Variants in DNAH7 observed in about 807,000 individuals in gnomAD.
DNAH7 encodes dynein axonemal heavy chain 7.
A neutral mutation model predicts 444.6 loss-of-function variants in DNAH7; 397 were observed. The ratio of observed to expected loss-of-function variants is 0.89; its 90% confidence interval spans 0.82 to 0.97. DNAH7 has a LOEUF of 0.97. DNAH7 is among the 50% of genes least tolerant of loss of function. DNAH7 has a pLI of 0.00. For synonymous variants in DNAH7, 1,636 were observed against 1,624.4 expected (o/e 1.01, Z -0.17); for missense variants, 4,902 against 4,800.8 (o/e 1.02, Z -0.62).
At chr2:196,029,385 TG>T (rs1480537404) in intron 5 of DNAH7, among the ~76,000 whole-genome samples, 1 of 151,708 alleles carries the variant, frequency 6.6e-6, no homozygotes, top group Admixed American at 6.6e-5. Flanking sequence ...AGGGCAAGGG[TG>T]GGTGAGGAGG....
At chr2:195,740,650 TACACACACAC>T (rs566613840) in intron 64 of DNAH7, 106 bp downstream of exon 64, 15 of 72,462 alleles carry the variant, frequency 2.1e-4, no homozygotes, top group Non-Finnish European at 2.8e-5. Context: ...TATATACATA[TACACACACAC>T]ATATGTATAC....
intron 9 of DNAH7, among the ~76,000 whole-genome samples, chr2:196,014,919 T>C (rs1264123889): frequency 6.6e-6 from 1 of 152,184 alleles, no homozygotes; most frequent in African/African-American, 2.4e-5. Context: ...CACTCATATT[T>C]TATAACTACA....
At chr2:195,823,656 A>C (rs942718160) in intron 49 of DNAH7, among the ~76,000 whole-genome samples, 1 of 152,106 alleles carries the variant, frequency 6.6e-6, no homozygotes. Context: ...CTCACTCCAC[A>C]AACATTTAAT....
At position 195,865,244 on chromosome 2, in the gene DNAH7, T is replaced by C. The variant is rs1033546567; in HGVS notation, c.6634-223A>G. 3.9e-5 allele frequency among the ~76,000 whole-genome samples: 6 copies of C among 152,138 alleles called. No individual in the cohort carries two copies. The South Asian group carries it at 1.0e-3, about 26-fold the overall frequency. ...AAGGTTATAGTCAGTTATCAATCAA[T>C]GAAAGGTAATTTTGGGGGTGGGAGC... is the stretch of plus-strand genomic sequence containing the variant. On this transcript the variant is annotated intron_variant, in intron 40 of 64. Coordinates refer to ENST00000312428, the MANE Select transcript of DNAH7 (RefSeq NM_018897.3).
chr2:195,746,116 A>C (rs928573692), intron 63 of DNAH7, among the ~76,000 whole-genome samples: 10 of 152,236 alleles, frequency 6.6e-5, no homozygotes, highest in Non-Finnish European at 1.5e-4. Context: ...TCTCACGTGC[A>C]GAGACACATA....
At chr2:195,800,753 G>T (rs1696407354) in intron 54 of DNAH7, among the ~76,000 whole-genome samples, 1 of 151,998 alleles carries the variant, frequency 6.6e-6, no homozygotes, top group Non-Finnish European at 1.5e-5. Context: ...TCAGCCTAAA[G>T]CTATTCTATT....
intron 21 of DNAH7, among the ~76,000 whole-genome samples, chr2:195,931,249 T>A (rs2125392166): frequency 6.6e-6 from 1 of 152,280 alleles, no homozygotes; most frequent in Middle Eastern, 3.4e-3. Flanking sequence ...CTGTTCATAT[T>A]CTTCCCCACT....
In DNAH7 at chr2:196,024,736, C is replaced by A. The variant is rs1486160887; in HGVS notation, c.668-232G>T. ...TGTTCCCTTTCTTAACACAATGTGTCCCTCCTCTTTCATTTGAAAGGAATA... is the reference window on the plus strand; with the variant it reads ...TGTTCCCTTTCTTAACACAATGTGTACCTCCTCTTTCATTTGAAAGGAATA... On this transcript the variant is annotated intron_variant, in intron 7 of 64. Transcript: ENST00000312428. Among the ~76,000 whole-genome samples the A allele has an allele frequency of 3.3e-5, 5 of 151,860 alleles. No individual in the cohort carries two copies. In the East Asian group the frequency reaches 9.7e-4, roughly 29 times the overall value.
chr2:195,768,319 T>A (rs1694682470), intron 61 of DNAH7, among the ~76,000 whole-genome samples: 4 of 150,970 alleles, frequency 2.6e-5, no homozygotes, highest in South Asian at 4.2e-4. Flanking sequence ...TTTTAAGAAA[T>A]CACAAATTGA....
intron 63 of DNAH7, among the ~76,000 whole-genome samples, chr2:195,748,759 G>T (rs1036137918): frequency 6.6e-6 from 1 of 152,166 alleles, no homozygotes; most frequent in Non-Finnish European, 1.5e-5. Context: ...TTAATAAATG[G>T]TGCTGGGAAA....
At chr2:195,762,871 C>A (rs1372661145) in intron 61 of DNAH7, among the ~76,000 whole-genome samples, 1 of 152,020 alleles carries the variant, frequency 6.6e-6, no homozygotes, top group African/African-American at 2.4e-5. Flanking sequence ...CACCGCAGAC[C>A]AAATGGTCCT....
intron 19 of DNAH7, among the ~76,000 whole-genome samples, chr2:195,941,051 T>C (rs1271481982): frequency 2.0e-5 from 3 of 152,152 alleles, no homozygotes; most frequent in Non-Finnish European, 4.4e-5. Context: ...TAAATCATTC[T>C]ACCATAAAGC....
rs139863552 is a variant in DNAH7 at position 195,755,090 on chromosome 2, C to T, written c.11587-576G>A. ...TCCCTACAATAGTGAATATCTAATA[C>T]GCATTGCTACACAATATATCATGTT... On this transcript the variant is annotated intron_variant, in intron 62 of 64. Coordinates refer to ENST00000312428, the MANE Select transcript of DNAH7 (RefSeq NM_018897.3). Among the ~76,000 whole-genome samples, 325 of 152,290 alleles carry T rather than the reference C, an allele frequency of 2.1e-3. 1 individual carries two copies. The highest frequency in any genetic ancestry group is 7.3e-3 in the African/African-American group (302 of 41,564).
chr2:195,915,504 G>A (rs1687620103), intron 24 of DNAH7, among the ~76,000 whole-genome samples: 1 of 152,140 alleles, frequency 6.6e-6, no homozygotes, highest in South Asian at 2.1e-4. Context: ...AGATATTAAA[G>A]TAGCTAATAG....
chr2:195,930,406 A>G (rs949863380), intron 21 of DNAH7, among the ~76,000 whole-genome samples: 7 of 152,146 alleles, frequency 4.6e-5, no homozygotes, highest in African/African-American at 9.7e-5. Flanking sequence ...CATACTAGTG[A>G]CCAAAAAACA....
chr2:195,785,276 T>C (rs1160865709), intron 58 of DNAH7, among the ~76,000 whole-genome samples: 1 of 152,206 alleles, frequency 6.6e-6, no homozygotes, highest in Non-Finnish European at 1.5e-5. Context: ...TTGGATATTT[T>C]GGATAAGAGT....
chr2:196,026,577 A>T (rs1695703472), intron 7 of DNAH7, among the ~76,000 whole-genome samples, 183 bp downstream of exon 7: 1 of 152,202 alleles, frequency 6.6e-6, no homozygotes, highest in Non-Finnish European at 1.5e-5. Flanking sequence ...TAGAAATAGA[A>T]TTATTTTTTG....
chr2:196,051,270 G>A, intron 2 of DNAH7, 21 bp from the exon 3 acceptor site: 1 of 1,602,630 alleles, frequency 6.2e-7, no homozygotes, highest in South Asian at 1.1e-5. Flanking sequence ...AATATGAAGG[G>A]GAAAAAAGTG....
chr2:195,943,123 C>G (rs191005751), intron 19 of DNAH7, among the ~76,000 whole-genome samples: 239 of 152,272 alleles, frequency 1.6e-3, no homozygotes, highest in African/African-American at 5.4e-3. Context: ...TTCTCATTTA[C>G]TTTCCACCAT....
Sources: allele counts gnomAD v4.1 joint callset (sites outside exome capture counted in the v4.1 genomes callset), GRCh38; gene constraint gnomAD v4.1.1; transcripts MANE v1.5; gene names NCBI Gene and HGNC (gene_info 2026-07-23, HGNC 2026-07-21).